ASTN1: variants seen among roughly 807,000 people sequenced by gnomAD.
ASTN1 encodes the protein astrotactin 1.
ASTN1 carries 41 observed loss-of-function variants against 140.7 expected under a neutral mutation model. The ratio of observed to expected loss-of-function variants is 0.29; its 90% CI spans 0.23 to 0.38. The LOEUF (loss-of-function observed/expected upper bound fraction) is 0.38. Among genes scored for constraint, ASTN1 ranks in the 10% least tolerant of loss-of-function variants. ASTN1 has a pLI of 1.00. For missense variants in ASTN1, 1,479 were observed against 1,678.8 expected, an observed-to-expected ratio of 0.88 and a Z score of 2.08; for synonymous variants, 640 against 652.2, an observed-to-expected ratio of 0.98 and a Z score of 0.29.
intron 11 of ASTN1, 49 bp from the exon 12 acceptor site, chr1:176,949,400 A>G: frequency 6.4e-7 from 1 of 1,574,490 alleles, no homozygotes; most frequent in Non-Finnish European, 8.6e-7. Context: ...CGGGGAACTG[A>G]GTTCTCTGGG....
At chr1:177,028,447 T>G (rs1173099748) in intron 5 of ASTN1, among the ~76,000 whole-genome samples, 1 of 152,170 alleles carries the variant, frequency 6.6e-6, no homozygotes, top group Non-Finnish European at 1.5e-5. Context: ...GTTAAGCCTA[T>G]AGAAACTGGA....
At chr1:177,010,083 A>C (rs1308776407) in intron 8 of ASTN1, among the ~76,000 whole-genome samples, 1 of 152,114 alleles carries the variant, frequency 6.6e-6, no homozygotes, top group Non-Finnish European at 1.5e-5. Context: ...ATCATTTCCA[A>C]AGTAGCTACA....
At chr1:176,973,943 C>A (rs1284422512) in intron 8 of ASTN1, among the ~76,000 whole-genome samples, 1 of 152,196 alleles carries the variant, frequency 6.6e-6, no homozygotes, top group Non-Finnish European at 1.5e-5. Flanking sequence ...CAAATAAGAG[C>A]ACCACAGATC....
chr1:177,113,939 C>A (rs1198247343), intron 1 of ASTN1, among the ~76,000 whole-genome samples: 1 of 152,162 alleles, frequency 6.6e-6, no homozygotes, highest in African/African-American at 2.4e-5. Context: ...GTAAAACTGG[C>A]TCATAATAAG....
At chr1:177,025,434 T>C (rs1676056604) in intron 5 of ASTN1, among the ~76,000 whole-genome samples, 1 of 152,108 alleles carries the variant, frequency 6.6e-6, no homozygotes, top group South Asian at 2.1e-4. Flanking sequence ...TTTATTTTTT[T>C]TGTACCATTG....
chr1:177,043,352 A>C (rs768729592), intron 2 of ASTN1, among the ~76,000 whole-genome samples: 1 of 152,246 alleles, frequency 6.6e-6, no homozygotes, highest in Admixed American at 6.5e-5. Flanking sequence ...ACTTCATTAC[A>C]GTCAGGTCAC....
At chr1:176,868,627 C>T (rs1668219166) in intron 22 of ASTN1, among the ~76,000 whole-genome samples, 1 of 152,068 alleles carries the variant, frequency 6.6e-6, no homozygotes, top group Non-Finnish European at 1.5e-5. Context: ...AATTTTTTTT[C>T]AGAGTTCAGG....
At chr1:176,974,889 A>AAAG (rs1673298310) in intron 8 of ASTN1, among the ~76,000 whole-genome samples, 2 of 152,192 alleles carry the variant, frequency 1.3e-5, no homozygotes, top group Admixed American at 1.3e-4. Flanking sequence ...TCGGCCTTTT[A>AAAG]GCCAACAAAG....
chr1:177,124,253 T>G (rs550928078), intron 1 of ASTN1, among the ~76,000 whole-genome samples: 2 of 152,318 alleles, frequency 1.3e-5, no homozygotes, highest in South Asian at 4.1e-4. Context: ...ACTCTACTAA[T>G]TTACCCAAGC....
chr1:177,155,149 GA>G (rs956590100), intron 1 of ASTN1, among the ~76,000 whole-genome samples: 13 of 152,148 alleles, frequency 8.5e-5, no homozygotes, highest in Non-Finnish European at 1.3e-4. Context: ...TGGCATTCTG[GA>G]AAAGGCAAAA....
rs367797596 is a variant in ASTN1, at chr1:176,873,434, GAA to G, written c.3463+3101_3463+3102del. Among the ~76,000 whole-genome samples the G allele has an allele frequency of 3.3e-4, 51 of 152,340 alleles. 2 individuals carry two copies. The East Asian group carries it at 8.5e-3, about 25-fold the overall frequency. On this transcript the variant is annotated intron_variant, in intron 21 of 22. Coordinates refer to ENST00000361833, the MANE Select transcript of ASTN1 (RefSeq NM_004319.3). ...TCATGATGCAGGAAAATTCCTCAGAGAAAGTATCTAGTTTAGGATAAATCTTC... is the reference window on the plus strand; with the variant it reads ...TCATGATGCAGGAAAATTCCTCAGAGAGTATCTAGTTTAGGATAAATCTTC...
chr1:176,883,376 G>C (rs558568921), intron 19 of ASTN1, among the ~76,000 whole-genome samples: 61 of 152,146 alleles, frequency 4.0e-4, no homozygotes, highest in African/African-American at 1.3e-3. Flanking sequence ...GAGATTACAG[G>C]CACATGCCGG....
chr1:176,976,553 A>G (rs528718079), intron 8 of ASTN1: 4 of 152,358 alleles, frequency 2.6e-5, no homozygotes, highest in Admixed American at 2.0e-4. Context: ...AGTCAGATAG[A>G]TCTCCATTCA....
chr1:177,031,512 G>A (rs1187371750), intron 3 of ASTN1, among the ~76,000 whole-genome samples: 1 of 152,212 alleles, frequency 6.6e-6, no homozygotes, highest in Non-Finnish European at 1.5e-5. Context: ...AATATGAAGA[G>A]ATGTTGATGA....
chr1:176,991,644 G>A (rs1674182907), intron 8 of ASTN1, among the ~76,000 whole-genome samples: 1 of 152,172 alleles, frequency 6.6e-6, no homozygotes, highest in Non-Finnish European at 1.5e-5. Context: ...CTGGATTACT[G>A]CTGAAGCCTG....
At chr1:177,048,317 G>T (rs188163827) in intron 2 of ASTN1, among the ~76,000 whole-genome samples, 2 of 152,144 alleles carry the variant, frequency 1.3e-5, no homozygotes, top group Admixed American at 6.5e-5. Context: ...AACCAGTGAG[G>T]CTGGCCCAAA....
chr1:177,089,133 T>C (rs1679618725), intron 1 of ASTN1, among the ~76,000 whole-genome samples: 1 of 150,626 alleles, frequency 6.6e-6, no homozygotes, highest in African/African-American at 2.4e-5. Flanking sequence ...GTTATTTGCC[T>C]CAAAAGCAGA....
chr1:176,913,025 G>A (rs771007089), intron 16 of ASTN1, among the ~76,000 whole-genome samples: 4 of 152,186 alleles, frequency 2.6e-5, no homozygotes, highest in Non-Finnish European at 5.9e-5. Context: ...ACCCCTGCAG[G>A]TAACAGGTAT....
chr1:177,030,783 G>A (rs1676393116), intron 4 of ASTN1, 23 bp downstream of exon 4: 3 of 1,613,564 alleles, frequency 1.9e-6, no homozygotes, highest in South Asian at 1.1e-5. Context: ...CCACCCACGA[G>A]CCCTAATGTC....
Sources: allele counts gnomAD v4.1 joint callset (sites outside exome capture counted in the v4.1 genomes callset), GRCh38; gene constraint gnomAD v4.1.1; transcripts MANE v1.5; gene names NCBI Gene and HGNC (gene_info 2026-07-23, HGNC 2026-07-21).